Variants in DSCAML1 observed in about 807,000 individuals in gnomAD.
DSCAML1 encodes cell adhesion molecule DSCAML1.
A neutral mutation model predicts 200.5 loss-of-function variants in DSCAML1; 38 were observed. That is an observed-to-expected ratio of 0.19 (90% CI 0.15 to 0.25). DSCAML1 has a LOEUF of 0.25. Among genes scored for constraint, DSCAML1 ranks in the 10% least tolerant of loss-of-function variants. DSCAML1 has a pLI of 1.00. For missense variants in DSCAML1, 2,223 were observed against 2,858.8 expected, an observed-to-expected ratio of 0.78 and a Z score of 5.07; for synonymous variants, 1,215 against 1,165.0, an observed-to-expected ratio of 1.04 and a Z score of -0.87.
chr11:117,633,591 G>A (rs2052218760), intron 3 of DSCAML1, among the ~76,000 whole-genome samples: 1 of 152,146 alleles, frequency 6.6e-6, no homozygotes, highest in Non-Finnish European at 1.5e-5. Flanking sequence ...ACCTCGTCTG[G>A]GCGATTTGAA....
rs1222857584 is a variant in DSCAML1, at chr11:117,428,703, G to A, written c.5787C>T (p.Ser1929=). The change falls in exon 33 of 33, where the codon TCC becomes TCT. Residue 1929 remains serine, a synonymous_variant. Coordinates refer to ENST00000651296, the MANE Select transcript of DSCAML1 (RefSeq NM_020693.4). The stretch of plus-strand genomic sequence containing the variant: ...GGTAGGTTCGAGCCAGGTTCCGGAT[G>A]GAGGCCTCACGGGGTGGGACCACGG... ...PCPVVPPREA[S]IRNLARTYHT... is the part of the protein sequence containing the mutation. The A allele has an allele frequency of 6.2e-7, 1 of 1,613,132 alleles. No homozygotes were observed. The highest frequency in any genetic ancestry group is 8.5e-7 in the Non-Finnish European group (1 of 1,179,766).
rs150894490 is a variant in DSCAML1 at position 117,735,585 on chromosome 11, T to C, written c.511+41206A>G. 6.4e-3 allele frequency among the ~76,000 whole-genome samples: 979 copies of C among 152,178 alleles called. 9 individuals carry two copies. Among genetic ancestry groups the C allele is most frequent in the African/African-American group, 0.021 (886 of 41,502 alleles). ...AAGCAAGAAGAAGGCTGGCCCTCCA[T>C]AGAAAGAGAGGGAAACCCAGAATAT... On this transcript the variant is annotated intron_variant, in intron 3 of 32. Transcript: ENST00000651296.
intron 5 of DSCAML1, 144 bp from the exon 6 acceptor site, chr11:117,521,549 G>T: frequency 5.0e-6 from 4 of 801,020 alleles, no homozygotes; most frequent in Non-Finnish European, 7.8e-6. Flanking sequence ...TGTGGACTGG[G>T]ACTGGGGAAT....
Position 117,583,813 on chromosome 11 carries a change from A to G in DSCAML1, c.512-51291T>C, listed in dbSNP as rs572352288. 9.2e-5 allele frequency among the ~76,000 whole-genome samples: 14 copies of G among 152,156 alleles called. No individual in the cohort carries two copies. The East Asian group carries it at 1.9e-3, about 21-fold the overall frequency. Reference sequence around the variant, plus strand: ...CCACGAATGTCAGAAGTCCTTTCCAACTCCCACATTCCTTGTGATCATGGA... The same window carrying G: ...CCACGAATGTCAGAAGTCCTTTCCAGCTCCCACATTCCTTGTGATCATGGA... On this transcript the variant is annotated intron_variant, in intron 3 of 32. Transcript: ENST00000651296.
chr11:117,691,451 G>C (rs922060415), intron 3 of DSCAML1, among the ~76,000 whole-genome samples: 2 of 152,168 alleles, frequency 1.3e-5, no homozygotes, highest in Admixed American at 6.5e-5. Context: ...TCAGTTGCAG[G>C]CTTCTCTGTG....
At chr11:117,814,825 C>T (rs577262601) in intron 1 of DSCAML1, among the ~76,000 whole-genome samples, 20 of 152,304 alleles carry the variant, frequency 1.3e-4, no homozygotes, top group South Asian at 2.1e-4. Context: ...CCCCCTGGGG[C>T]GGGTGTCTGC....
intron 3 of DSCAML1, among the ~76,000 whole-genome samples, chr11:117,736,278 C>T (rs1487905545): frequency 6.6e-6 from 1 of 152,154 alleles, no homozygotes; most frequent in African/African-American, 2.4e-5. Flanking sequence ...CTGCGTCGGG[C>T]CTTGATCTCT....
intron 3 of DSCAML1, among the ~76,000 whole-genome samples, chr11:117,769,776 T>C (rs2055005347): frequency 6.6e-6 from 1 of 151,262 alleles, no homozygotes; most frequent in Non-Finnish European, 1.5e-5. Flanking sequence ...TGTCTTCAGA[T>C]TGCTGAGAAG....
intron 3 of DSCAML1, among the ~76,000 whole-genome samples, chr11:117,644,324 C>A (rs1316250852): frequency 6.6e-6 from 1 of 152,364 alleles, no homozygotes; most frequent in Non-Finnish European, 1.5e-5. Context: ...GGCGGGAGTG[C>A]AAAGGGGATT....
At chr11:117,588,249 G>A (rs746191868) in intron 3 of DSCAML1, among the ~76,000 whole-genome samples, 11 of 152,162 alleles carry the variant, frequency 7.2e-5, no homozygotes, top group Non-Finnish European at 1.3e-4. Flanking sequence ...CTCGGGGGTC[G>A]GGGGCTGCCT....
chr11:117,678,803 G>A (rs746707506), intron 3 of DSCAML1, among the ~76,000 whole-genome samples: 28 of 152,260 alleles, frequency 1.8e-4, no homozygotes, highest in Non-Finnish European at 2.1e-4. Context: ...GGAGCAGGGC[G>A]TAGGGCCAGG....
chr11:117,500,832 TTTTC>T (rs1305664246), intron 11 of DSCAML1, among the ~76,000 whole-genome samples: 2 of 152,216 alleles, frequency 1.3e-5, no homozygotes, highest in African/African-American at 2.4e-5. Context: ...GATAGATTTA[TTTTC>T]TTTCTTCTGC....
intron 3 of DSCAML1, among the ~76,000 whole-genome samples, chr11:117,667,238 CCT>C (rs1459594189): frequency 6.6e-6 from 1 of 152,098 alleles, no homozygotes; most frequent in African/African-American, 2.4e-5. Context: ...ATGGTGAAAC[CCT>C]GTCTCTACTA....
At chr11:117,616,676 C>A (rs903849579) in intron 3 of DSCAML1, among the ~76,000 whole-genome samples, 1 of 152,130 alleles carries the variant, frequency 6.6e-6, no homozygotes, top group Non-Finnish European at 1.5e-5. Flanking sequence ...AAGGGTAACA[C>A]AAGGGGACTC....
intron 3 of DSCAML1, among the ~76,000 whole-genome samples, chr11:117,694,125 G>A (rs2053545659): frequency 6.8e-6 from 1 of 147,446 alleles, no homozygotes. Flanking sequence ...TCCATAGGCT[G>A]GGCACGGTGG....
In DSCAML1 at chr11:117,435,793, A is replaced by G. The variant is rs1442157814; in HGVS notation, c.4727T>C (p.Ile1576Thr). 8.1e-6 allele frequency: 13 copies of G among 1,606,482 alleles called. No homozygotes were observed. Among genetic ancestry groups the G allele is most frequent in the Admixed American group, 1.7e-5 (1 of 59,870 alleles). The change falls in exon 27 of 33, where the codon ATT becomes ACT. Residue 1576 changes from isoleucine (I) to threonine (T), a missense_variant. Ile to Thr is a moderately conservative substitution (Grantham distance 89). Coordinates refer to ENST00000651296, the MANE Select transcript of DSCAML1 (RefSeq NM_020693.4). ...FATLDYDGST[I>T]PPIKSAQGEG... ...ACCTTGAGCAGACTTGATGGGTGGAATGGTGCCTGAATGAGGGCAAAGAAT... is the reference window on the plus strand; with the variant it reads ...ACCTTGAGCAGACTTGATGGGTGGAGTGGTGCCTGAATGAGGGCAAAGAAT...
intron 3 of DSCAML1, among the ~76,000 whole-genome samples, chr11:117,559,872 G>A (rs1265896673): frequency 8.5e-5 from 13 of 152,148 alleles, no homozygotes; most frequent in Admixed American, 8.5e-4. Context: ...TGGGGTGAGA[G>A]GGAGGGTGGG....
In DSCAML1 at chr11:117,514,555, ACTTTT is replaced by A. The variant is rs1358412206; in HGVS notation, c.1783+1907_1783+1911del. ...CTGACACCAGATGGCAATTTACTTA[ACTTTT>A]CTTTTCTTTTTCTTTTTTTTTTTTT... On this transcript the variant is annotated intron_variant, in intron 8 of 32. Coordinates refer to ENST00000651296, the MANE Select transcript of DSCAML1 (RefSeq NM_020693.4). Among the ~76,000 whole-genome samples, 20 of 140,088 alleles carry A rather than the reference ACTTTT, an allele frequency of 1.4e-4. No homozygotes were observed. In the East Asian group the frequency reaches 3.6e-3, roughly 25 times the overall value. 91.9% of individuals were successfully genotyped at this position (140,088 alleles called of 152,430 possible). A position where few individuals can be genotyped will look rare whatever the true frequency, so the allele number is the denominator to read the frequency against.
intron 3 of DSCAML1, among the ~76,000 whole-genome samples, chr11:117,675,802 C>CT (rs954967146): frequency 2.0e-5 from 3 of 152,164 alleles, no homozygotes; most frequent in African/African-American, 7.2e-5. Context: ...CCACCAGCGG[C>CT]TCTGAAAGTA....
Sources: allele counts gnomAD v4.1 joint callset (sites outside exome capture counted in the v4.1 genomes callset), GRCh38; gene constraint gnomAD v4.1.1; transcripts MANE v1.5; gene names NCBI Gene and HGNC (gene_info 2026-07-23, HGNC 2026-07-21).